The following DNAH17 variants were observed in gnomAD, a reference collection of about 807,000 sequenced individuals.
DNAH17 encodes the protein axonemal beta dynein heavy chain 17.
A neutral mutation model predicts 485.6 loss-of-function variants in DNAH17; 376 were observed. The observed-to-expected ratio is 0.77, with a 90% confidence interval of 0.71 to 0.84. The LOEUF (loss-of-function observed/expected upper bound fraction) is 0.84. DNAH17 is among the 40% of genes least tolerant of loss of function. DNAH17 has a pLI of 0.00. For synonymous variants in DNAH17, 3,031 were observed against 2,405.9 expected (o/e 1.26, Z -7.60); for missense variants, 6,370 against 5,839.3 (o/e 1.09, Z -2.96).
rs1371656161 is a variant in DNAH17, at chr17:78,507,345, T to C, written c.4609A>G (p.Thr1537Ala). Residue 1537 changes from threonine (T) to alanine (A), a missense_variant, in exon 29 of 81, where the codon ACA becomes GCA. Coordinates refer to ENST00000389840, the MANE Select transcript of DNAH17 (RefSeq NM_173628.4). ...CTGGTGGCTTCCACCACGTTGGGTGTTTTCACTGCATCTTCCATCAAGGCC... is the reference window on the plus strand; with the variant it reads ...CTGGTGGCTTCCACCACGTTGGGTGCTTTCACTGCATCTTCCATCAAGGCC... ...FKALMEDAVKTPNVVEATSKP... is the reference protein window; with the variant it reads ...FKALMEDAVKAPNVVEATSKP... 6.2e-7 allele frequency: 1 copy of C among 1,613,938 alleles called. No individual in the cohort carries two copies. Among genetic ancestry groups the C allele is most frequent in the East Asian group, 2.2e-5 (1 of 44,876 alleles).
rs1371653797 is a variant in DNAH17, at chr17:78,552,677, G to A, written c.2287+20C>T. 3 of 1,583,554 alleles carry A rather than the reference G, an allele frequency of 1.9e-6. No individual in the cohort carries two copies. The highest frequency in any genetic ancestry group is 1.7e-5 in the Admixed American group (1 of 59,982). On this transcript the variant is annotated intron_variant, in intron 15 of 80. Transcript: ENST00000389840. ...GACTCCCAAGTTTAATCCAATGTGG[G>A]AGGAATGTGGCCTCCGTACCTTCGC...
At chr17:78,537,010 C>A (rs1395313415) in intron 19 of DNAH17, among the ~76,000 whole-genome samples, 1 of 151,278 alleles carries the variant, frequency 6.6e-6, no homozygotes, top group Non-Finnish European at 1.5e-5. Flanking sequence ...CCAGTCTCTA[C>A]TAAAAAAAAA....
intron 66 of DNAH17, 52 bp downstream of exon 66, chr17:78,451,417 C>T (rs2087547046): frequency 1.2e-5 from 18 of 1,533,600 alleles, no homozygotes; most frequent in Non-Finnish European, 1.6e-5. Flanking sequence ...GACCTGGCCC[C>T]CTCTGTGTGG....
At chr17:78,499,672 C>T (rs1370542063) in intron 36 of DNAH17, 1 of 152,490 alleles carries the variant, frequency 6.6e-6, no homozygotes, top group Non-Finnish European at 1.5e-5. Flanking sequence ...GTGGCCCTGA[C>T]AGTGAACATG....
At chr17:78,439,360 TA>T (rs2086980089) in intron 72 of DNAH17, 143 bp from the exon 73 acceptor site, 2 of 976,880 alleles carry the variant, frequency 2.0e-6, no homozygotes, top group African/African-American at 1.6e-5. Context: ...CTTGCTGTTT[TA>T]AAACCCATCT....
intron 80 of DNAH17, chr17:78,425,133 C>A (rs1212224220): frequency 1.8e-6 from 1 of 560,410 alleles, no homozygotes. Context: ...TTTTTGGTCT[C>A]CTCCAGACCC....
At chr17:78,512,970 A>C (rs563671073) in intron 26 of DNAH17, among the ~76,000 whole-genome samples, 21 of 150,276 alleles carry the variant, frequency 1.4e-4, no homozygotes, top group African/African-American at 5.1e-4. Context: ...AAAAAGAATT[A>C]ATGGAGACAG....
chr17:78,424,155 T>C lies in DNAH17; in HGVS notation c.13142-2A>G, dbSNP rs2086278437. The stretch of plus-strand genomic sequence containing the variant: ...CAGTCTGGGTGTCCCAGCGAGCCCC[T>C]GCAGGGACAGTATGGCTGAGGGTCA... On this transcript the variant is annotated splice_acceptor_variant, in intron 80 of 80. Coordinates refer to ENST00000389840, the MANE Select transcript of DNAH17 (RefSeq NM_173628.4). LOFTEE classifies it high-confidence loss of function. 1 of 1,608,242 alleles carries C rather than the reference T, an allele frequency of 6.2e-7. No individual in the cohort carries two copies. Among genetic ancestry groups the C allele is most frequent in the African/African-American group, 1.3e-5 (1 of 74,884 alleles).
chr17:78,476,576 A>G lies in DNAH17; in HGVS notation c.8150T>C (p.Phe2717Ser), dbSNP rs1195201537. The G allele has an allele frequency of 6.2e-7, 1 of 1,609,268 alleles. No individual in the cohort carries two copies. Among genetic ancestry groups the G allele is most frequent in the Non-Finnish European group, 8.5e-7 (1 of 1,177,840 alleles). ...GGACTGGGCAGCTTGACTTACATCA[A>G]AGAACTTCTTGGTGGAGGCCATGGT... ...RVTMASTKKF[F>S]DDLGDELLFA... The change falls in exon 52 of 81, where the codon TTT (phenylalanine) becomes TCT (serine). Residue 2717 changes from phenylalanine (F) to serine (S), a missense_variant. Physicochemically the swap from Phe to Ser is radical, Grantham distance 155. Transcript: ENST00000389840.
intron 26 of DNAH17, among the ~76,000 whole-genome samples, chr17:78,511,403 C>T (rs2090632755): frequency 6.6e-6 from 1 of 152,162 alleles, no homozygotes; most frequent in East Asian, 1.9e-4. Flanking sequence ...CCACCGCACC[C>T]CCGGCTAGAT....
rs1320268236 is a variant in DNAH17 at position 78,429,228 on chromosome 17, G to A, written c.12298C>T (p.Arg4100Cys). 3.7e-6 allele frequency: 6 copies of A among 1,613,800 alleles called. No individual in the cohort carries two copies. The highest frequency in any genetic ancestry group is 1.1e-5 in the South Asian group (1 of 91,092). Residue 4100 changes from arginine to cysteine, a missense_variant, in exon 76 of 81, where the codon CGT becomes TGT. By Grantham distance (180) the Arg-to-Cys change is radical. Coordinates refer to ENST00000389840, the MANE Select transcript of DNAH17 (RefSeq NM_173628.4). Reference protein sequence around the residue: ...YGGHITDDWDRRLCRTYLAEY... With the variant: ...YGGHITDDWDCRLCRTYLAEY... ...GCCAGGTAGGTCCTGCACAGCCGAC[G>A]GTCCCAGTCATCTGTGATGTGGCCG...
At position 78,425,561 on chromosome 17, in the gene DNAH17, GC is replaced by G. The variant is rs1162099767; in HGVS notation, c.12925del (p.Ala4309ProfsTer48). ...DLLLRIRELE[A>X]WTTDFALPTT... ...GGGCAGGGCAAAGTCTGTCGTCCAG[GC>G]CTCGAGTTCCTGCAAGGACACACGA... On this transcript the variant is annotated frameshift_variant, in exon 80 of 81. Coordinates refer to ENST00000389840, the MANE Select transcript of DNAH17 (RefSeq NM_173628.4). LOFTEE classifies it high-confidence loss of function. 7 of 1,609,158 alleles carry G rather than the reference GC, an allele frequency of 4.4e-6. No homozygotes were observed. The highest frequency in any genetic ancestry group is 5.9e-6 in the Non-Finnish European group (7 of 1,177,794).
intron 14 of DNAH17, among the ~76,000 whole-genome samples, chr17:78,556,075 A>G (rs2092015262): frequency 6.6e-6 from 1 of 152,212 alleles, no homozygotes; most frequent in South Asian, 2.1e-4. Flanking sequence ...CCATATATAC[A>G]TGTCTATATC....
Position 78,574,961 on chromosome 17 carries a change from C to A in DNAH17, c.97G>T (p.Ala33Ser). 3 of 1,614,008 alleles carry A rather than the reference C, an allele frequency of 1.9e-6. No homozygotes were observed. Among genetic ancestry groups the A allele is most frequent in the Non-Finnish European group, 1.7e-6 (2 of 1,179,888 alleles). ...GTGAACAGGGCCACGTTCTCCTCGG[C>A]GCCTATCAGCTTGCTCCACTTGTCC... ...KPDKWSKLIG[A>S]EENVALFTEF... is the part of the protein sequence containing the mutation. The change falls in exon 2 of 81, where the codon GCC (alanine) becomes TCC (serine). Residue 33 changes from alanine (A) to serine (S), a missense_variant. Coordinates refer to ENST00000389840, the MANE Select transcript of DNAH17 (RefSeq NM_173628.4).
chr17:78,441,193 G>A lies in DNAH17; in HGVS notation c.11535C>T (p.Phe3845=), dbSNP rs776861743. Residue 3845 remains phenylalanine (F), a synonymous_variant, in exon 72 of 81, where the codon TTC becomes TTT. Coordinates refer to ENST00000389840, the MANE Select transcript of DNAH17 (RefSeq NM_173628.4). The stretch of plus-strand genomic sequence containing the variant: ...ACTTGCTGCCCATCTTTTCCTCCAC[G>A]AAGTTCCTAGGGGTGGAGTGCATCA... ...PDRMTYAIKN[F]VEEKMGSKFV... is the part of the protein sequence containing the mutation. 6.2e-6 allele frequency: 10 copies of A among 1,613,760 alleles called. No individual in the cohort carries two copies. In the South Asian group the frequency reaches 7.7e-5, roughly 12 times the overall value.
At chr17:78,461,123 G>A (rs1482557541) in intron 58 of DNAH17, among the ~76,000 whole-genome samples, 5 of 151,932 alleles carry the variant, frequency 3.3e-5, no homozygotes, top group Admixed American at 3.3e-4. Flanking sequence ...ACCCTCTCGG[G>A]GGGGGCCCGG....
chr17:78,441,260 C>A, intron 71 of DNAH17, 61 bp from the exon 72 acceptor site: 1 of 1,586,262 alleles, frequency 6.3e-7, no homozygotes, highest in South Asian at 1.1e-5. Flanking sequence ...GCGGGGCGCT[C>A]GGGGTGGGCT....
rs1471445044 is a variant in DNAH17, at chr17:78,494,084, G to A, written c.6360C>T (p.Val2120=). The change falls in exon 41 of 81, where the codon GTC becomes GTT. Residue 2120 remains valine (V), a synonymous_variant. Coordinates refer to ENST00000389840, the MANE Select transcript of DNAH17 (RefSeq NM_173628.4). The part of the protein sequence containing the change: ...KVVQLEELLQ[V]RHSVFIVGNA... Reference sequence around the variant, plus strand: ...TCCCGACGATGAACACGGAGTGGCGGACCTGCAGCAGCTCCTCCAGCTGCA... The same window carrying A: ...TCCCGACGATGAACACGGAGTGGCGAACCTGCAGCAGCTCCTCCAGCTGCA... The A allele has an allele frequency of 6.2e-7, 1 of 1,612,766 alleles. No homozygotes were observed. The highest frequency in any genetic ancestry group is 1.7e-5 in the Admixed American group (1 of 59,980).
In DNAH17 at chr17:78,491,535, T is replaced by A. The variant is rs374908274; in HGVS notation, c.6577A>T (p.Ile2193Phe). 25 of 1,614,050 alleles carry A rather than the reference T, an allele frequency of 1.5e-5. No homozygotes were observed. Among genetic ancestry groups the A allele is most frequent in the South Asian group, 5.5e-5 (5 of 91,030 alleles). Residue 2193 changes from isoleucine (I) to phenylalanine (F), a missense_variant, in exon 43 of 81, where the codon ATC becomes TTC. Transcript: ENST00000389840. ...ATCCACTTGGGGCCGTCATGGGTGATGTTGGCCAGGTCTCGCATGATGGTG... is the reference window on the plus strand; with the variant it reads ...ATCCACTTGGGGCCGTCATGGGTGAAGTTGGCCAGGTCTCGCATGATGGTG... ...FSTIMRDLAN[I>F]THDGPKWIIL...
Sources: gnomAD v4.1 joint callset for allele counts (sites outside exome capture counted in the v4.1 genomes callset) on GRCh38, gnomAD v4.1.1 for gene constraint, MANE v1.5 for transcripts, NCBI Gene and HGNC (gene_info 2026-07-23, HGNC 2026-07-21) for gene names.